The following GFRA2 variants were observed in gnomAD, a reference collection of about 807,000 sequenced individuals.
The protein encoded by GFRA2 is GDNF family receptor alpha 2.
A neutral mutation model predicts 48.3 loss-of-function variants in GFRA2; 17 were observed. The ratio of observed to expected loss-of-function variants is 0.35; its 90% CI spans 0.24 to 0.53. The LOEUF (loss-of-function observed/expected upper bound fraction) is 0.53. GFRA2 is among the 20% of genes least tolerant of loss of function. GFRA2 has a pLI of 0.93. For missense variants in GFRA2, 660 were observed against 637.3 expected, an observed-to-expected ratio of 1.04 and a Z score of -0.38; for synonymous variants, 305 against 257.2, an observed-to-expected ratio of 1.19 and a Z score of -1.78.
Position 21,706,297 on chromosome 8 carries a change from A to G in GFRA2, c.795-256T>C, listed in dbSNP as rs1372861736. On this transcript the variant is annotated intron_variant, in intron 4 of 8. Coordinates refer to ENST00000524240, the MANE Select transcript of GFRA2 (RefSeq NM_001495.5). ...AAAACCCAGTCATTGGCTGACAAAA[A>G]GGACCCCTCAAGGCACAGAAACAGC... The G allele has an allele frequency of 6.6e-6, 4 of 607,360 alleles. No homozygotes were observed. The East Asian group carries it at 1.0e-4, about 16-fold the overall frequency. The allele number at this position is 607,360 out of a possible 1,614,324, so 37.6% of individuals were successfully genotyped here.
At chr8:21,695,207 T>C (rs1394883084) in intron 7 of GFRA2, among the ~76,000 whole-genome samples, 1 of 152,176 alleles carries the variant, frequency 6.6e-6, no homozygotes, top group Non-Finnish European at 1.5e-5. Flanking sequence ...TTGTCTACCC[T>C]GGTGTGGCCA....
At chr8:21,748,275 A>C (rs1805109560) in intron 4 of GFRA2, among the ~76,000 whole-genome samples, 1 of 152,032 alleles carries the variant, frequency 6.6e-6, no homozygotes, top group South Asian at 2.1e-4. Flanking sequence ...CTGCATGTCC[A>C]ATACCACCCC....
At chr8:21,802,856 G>C (rs1408526210) in intron 2 of GFRA2, among the ~76,000 whole-genome samples, 1 of 152,196 alleles carries the variant, frequency 6.6e-6, no homozygotes, top group East Asian at 1.9e-4. Context: ...CACTTGCTAA[G>C]CTCTTCCCAG....
intron 4 of GFRA2, among the ~76,000 whole-genome samples, chr8:21,743,889 C>G (rs1804870199): frequency 1.3e-5 from 2 of 152,166 alleles, no homozygotes; most frequent in Admixed American, 1.3e-4. Context: ...TCAAGGAACC[C>G]TTAGGAAATC....
chr8:21,798,862 T>C (rs1231852004), intron 2 of GFRA2, among the ~76,000 whole-genome samples: 2 of 152,240 alleles, frequency 1.3e-5, no homozygotes, highest in African/African-American at 4.8e-5. Context: ...CTCCAGGTCC[T>C]GCTGTGTATG....
chr8:21,697,750 C>T (rs1802280160), intron 7 of GFRA2, among the ~76,000 whole-genome samples: 1 of 152,154 alleles, frequency 6.6e-6, no homozygotes. Context: ...TGGGAGATAA[C>T]TGAATCATGG....
chr8:21,753,907 C>T (rs967473150), intron 3 of GFRA2, among the ~76,000 whole-genome samples: 2 of 152,232 alleles, frequency 1.3e-5, no homozygotes, highest in Non-Finnish European at 2.9e-5. Flanking sequence ...CCTGGATCTT[C>T]CTGGAACACG....
intron 4 of GFRA2, among the ~76,000 whole-genome samples, chr8:21,717,941 G>C (rs541928595): frequency 6.6e-6 from 1 of 152,316 alleles, no homozygotes; most frequent in African/African-American, 2.4e-5. Flanking sequence ...CCAGCCATGA[G>C]ATCCAATTTC....
chr8:21,781,821 T>C (rs1418608295), intron 2 of GFRA2, among the ~76,000 whole-genome samples: 1 of 152,106 alleles, frequency 6.6e-6, no homozygotes, highest in African/African-American at 2.4e-5. Context: ...ATGCAAATCC[T>C]CCACACCCAG....
intron 3 of GFRA2, among the ~76,000 whole-genome samples, chr8:21,753,197 T>C (rs547510414): frequency 2.6e-5 from 4 of 152,346 alleles, no homozygotes; most frequent in Non-Finnish European, 5.9e-5. Context: ...ATTTGTGCTT[T>C]CTGAAATGCT....
chr8:21,805,408 T>G (rs1309252981), intron 1 of GFRA2, among the ~76,000 whole-genome samples: 1 of 152,178 alleles, frequency 6.6e-6, no homozygotes, highest in African/African-American at 2.4e-5. Context: ...CTCTGCACAG[T>G]TCAGGAAGAG....
At chr8:21,792,730 C>T (rs1340229380), upstream of GFRA2, among the ~76,000 whole-genome samples, 3 of 152,110 alleles carry the variant, frequency 2.0e-5, no homozygotes, top group Non-Finnish European at 4.4e-5. Flanking sequence ...GGAGGACACT[C>T]CAGGTGAGCA....
At chr8:21,770,369 T>C (rs1374585044) in intron 3 of GFRA2, among the ~76,000 whole-genome samples, 1 of 152,216 alleles carries the variant, frequency 6.6e-6, no homozygotes, top group African/African-American at 2.4e-5. Flanking sequence ...ACTATCTCAT[T>C]TAGTCTTAAC....
At chr8:21,772,471 C>T (rs1159676586) in intron 3 of GFRA2, among the ~76,000 whole-genome samples, 1 of 152,158 alleles carries the variant, frequency 6.6e-6, no homozygotes, top group African/African-American at 2.4e-5. Context: ...CTGTGCCCAG[C>T]CCCAGCTTGG....
Position 21,691,303 on chromosome 8 carries a change from C to T in GFRA2, c.*1975G>A, listed in dbSNP as rs1271531731. 2 of 152,316 alleles carry T rather than the reference C, an allele frequency of 1.3e-5. No homozygotes were observed. The highest frequency in any genetic ancestry group is 4.8e-5 in the African/African-American group (2 of 41,472). The allele number at this position is 152,316 out of a possible 1,614,324, so 9.4% of individuals were successfully genotyped here. A position where few individuals can be genotyped will look rare whatever the true frequency, so the allele number is the denominator to read the frequency against. The stretch of plus-strand genomic sequence containing the variant: ...ACGACCGCACACACATGTACACATG[C>T]TCACATACATGGACACACACACACT... On this transcript the variant is annotated 3_prime_UTR_variant, in exon 9 of 9. Coordinates refer to ENST00000524240, the MANE Select transcript of GFRA2 (RefSeq NM_001495.5).
intron 2 of GFRA2, among the ~76,000 whole-genome samples, chr8:21,804,805 G>C (rs189678275): frequency 6.6e-6 from 1 of 152,044 alleles, no homozygotes; most frequent in South Asian, 2.1e-4. Flanking sequence ...AAGCTCTCCC[G>C]ACCCTCTTTC....
At chr8:21,755,373 A>G (rs903936227) in intron 3 of GFRA2, among the ~76,000 whole-genome samples, 23 of 152,140 alleles carry the variant, frequency 1.5e-4, no homozygotes, top group Admixed American at 1.4e-3. Flanking sequence ...TGAACCTAAA[A>G]CCACTCTTAA....
At chr8:21,780,023 T>C (rs1212468673) in intron 2 of GFRA2, among the ~76,000 whole-genome samples, 2 of 151,498 alleles carry the variant, frequency 1.3e-5, no homozygotes, top group African/African-American at 2.4e-5. Flanking sequence ...TACTGTCCGA[T>C]GTTAGATTTT....
intron 4 of GFRA2, among the ~76,000 whole-genome samples, chr8:21,749,901 G>A (rs1036669579): frequency 2.6e-5 from 4 of 152,024 alleles, no homozygotes; most frequent in Non-Finnish European, 4.4e-5. Flanking sequence ...TATTGTGAAC[G>A]TTAGATGACA....
Sources: gnomAD v4.1 joint callset for allele counts (sites outside exome capture counted in the v4.1 genomes callset) on GRCh38, gnomAD v4.1.1 for gene constraint, MANE v1.5 for transcripts, NCBI Gene and HGNC (gene_info 2026-07-23, HGNC 2026-07-21) for gene names.